MSI2: variants seen among roughly 807,000 people sequenced by gnomAD.
The protein encoded by MSI2 is musashi RNA binding protein 2, also known as RNA-binding protein Musashi homolog 2.
MSI2 carries 17 observed loss-of-function variants against 45.6 expected under a neutral mutation model. The observed-to-expected ratio is 0.37, with a 90% CI of 0.26 to 0.56. The LOEUF is 0.56. Among genes scored for constraint, MSI2 ranks in the 20% least tolerant of loss-of-function variants. The probability of loss-of-function intolerance (pLI) is 0.77; values close to 1 mark genes in which losing one functional copy is unlikely to be tolerated. For missense variants in MSI2, 293 were observed against 444.2 expected (o/e 0.66, Z 3.06); for synonymous variants, 156 against 158.2 (o/e 0.99, Z 0.11).
intron 8 of MSI2, among the ~76,000 whole-genome samples, chr17:57,603,993 G>GT (rs1421941194): frequency 6.6e-6 from 1 of 152,270 alleles, no homozygotes; most frequent in African/African-American, 2.4e-5. Context: ...CCTGTGGAAA[G>GT]TATCAGTGCC....
intron 6 of MSI2, among the ~76,000 whole-genome samples, chr17:57,436,104 ATGGATTGTG>A (rs746312828): frequency 5.3e-5 from 8 of 152,218 alleles, no homozygotes; most frequent in Non-Finnish European, 1.0e-4. Context: ...AAGGTTCCTA[ATGGATTGTG>A]GAAGCGGGTA....
chr17:57,412,736 G>A (rs141899304), intron 6 of MSI2, among the ~76,000 whole-genome samples: 3 of 152,310 alleles, frequency 2.0e-5, no homozygotes, highest in South Asian at 2.1e-4. Flanking sequence ...AAAGTCAGGA[G>A]GCTGCTGGTT....
intron 6 of MSI2, among the ~76,000 whole-genome samples, chr17:57,424,921 G>A (rs1484851351): frequency 2.6e-5 from 4 of 152,104 alleles, no homozygotes; most frequent in Admixed American, 6.5e-5. Flanking sequence ...CTTGGGAGTC[G>A]GACACCTGAT....
At chr17:57,541,877 G>A (rs1312824490) in intron 7 of MSI2, among the ~76,000 whole-genome samples, 1 of 152,198 alleles carries the variant, frequency 6.6e-6, no homozygotes, top group Non-Finnish European at 1.5e-5. Flanking sequence ...ATAACTGAAA[G>A]TGCCTTCTTC....
chr17:57,377,334 C>G (rs1295701230), intron 5 of MSI2, among the ~76,000 whole-genome samples: 1 of 152,254 alleles, frequency 6.6e-6, no homozygotes, highest in Non-Finnish European at 1.5e-5. Flanking sequence ...TGAATCAGGG[C>G]ATCCACTTCT....
intron 7 of MSI2, among the ~76,000 whole-genome samples, chr17:57,567,275 T>G (rs1291353705): frequency 6.6e-6 from 1 of 152,200 alleles, no homozygotes; most frequent in Non-Finnish European, 1.5e-5. Context: ...GAAAATGGCT[T>G]GAAAATTAGG....
At chr17:57,624,636 C>T (rs1908629332) in intron 9 of MSI2, among the ~76,000 whole-genome samples, 2 of 152,142 alleles carry the variant, frequency 1.3e-5, no homozygotes, top group Non-Finnish European at 2.9e-5. Flanking sequence ...AGTCACCAAG[C>T]ACCGGGAAAT....
chr17:57,481,743 A>C (rs1240519524), intron 6 of MSI2, among the ~76,000 whole-genome samples: 1 of 152,210 alleles, frequency 6.6e-6, no homozygotes, highest in African/African-American at 2.4e-5. Flanking sequence ...AACAGTGGTA[A>C]GACTCGGCCT....
At chr17:57,420,876 G>A (rs1464720346) in intron 6 of MSI2, among the ~76,000 whole-genome samples, 3 of 152,174 alleles carry the variant, frequency 2.0e-5, no homozygotes, top group East Asian at 1.9e-4. Context: ...GTAACAAGGC[G>A]GCCTGCAGTT....
chr17:57,467,300 T>G (rs1450585416), intron 6 of MSI2, among the ~76,000 whole-genome samples: 3 of 152,184 alleles, frequency 2.0e-5, no homozygotes. Context: ...ACCTGGGATA[T>G]GGTGCATTCT....
chr17:57,379,428 G>T (rs1371105296), intron 5 of MSI2, among the ~76,000 whole-genome samples: 1 of 151,052 alleles, frequency 6.6e-6, no homozygotes, highest in Non-Finnish European at 1.5e-5. Flanking sequence ...TTCAATAAAA[G>T]TCGTGATTTA....
rs56318280 is a variant in MSI2, at chr17:57,358,198, T to TG, written c.313-43174dup. On this transcript the variant is annotated intron_variant, in intron 5 of 13. Coordinates refer to ENST00000284073, the MANE Select transcript of MSI2 (RefSeq NM_138962.4). The stretch of plus-strand genomic sequence containing the variant: ...ATCTTCGTGGGTTTTTCTGTGTGTG[T>TG]GGGGGGGTGTGTGTGTGTGTGTGTG... 4.7e-5 allele frequency among the ~76,000 whole-genome samples: 7 copies of TG among 147,530 alleles called. No individual in the cohort carries two copies. The East Asian group carries it at 5.9e-4, about 12-fold the overall frequency.
chr17:57,644,780 G>A (rs1358235513), intron 10 of MSI2, among the ~76,000 whole-genome samples: 1 of 152,128 alleles, frequency 6.6e-6, no homozygotes, highest in Non-Finnish European at 1.5e-5. Flanking sequence ...TTCGGGGCCG[G>A]TGATGCATAT....
intron 5 of MSI2, among the ~76,000 whole-genome samples, chr17:57,345,230 T>C (rs906872413): frequency 3.9e-5 from 6 of 152,216 alleles, no homozygotes; most frequent in African/African-American, 1.4e-4. Flanking sequence ...ACTGTGGTTA[T>C]GGTTTGCTGT....
chr17:57,603,033 T>A (rs1174645124), intron 8 of MSI2, among the ~76,000 whole-genome samples: 1 of 152,176 alleles, frequency 6.6e-6, no homozygotes, highest in Non-Finnish European at 1.5e-5. Context: ...GACTTGGGAA[T>A]GAAGGGAGCA....
At chr17:57,495,236 T>G (rs57173772) in intron 6 of MSI2, among the ~76,000 whole-genome samples, 1 of 152,058 alleles carries the variant, frequency 6.6e-6, no homozygotes, top group Non-Finnish European at 1.5e-5. Context: ...CAGCTGCCTT[T>G]GAAAGCTTCA....
At chr17:57,508,272 C>T (rs1284363325) in intron 6 of MSI2, among the ~76,000 whole-genome samples, 3 of 152,154 alleles carry the variant, frequency 2.0e-5, no homozygotes, top group Non-Finnish European at 4.4e-5. Flanking sequence ...ACTGCAACCA[C>T]ACCACCCCTT....
rs1911275770 is a variant in MSI2 at position 57,652,873 on chromosome 17, G to A, written c.790+712G>A. Among the ~76,000 whole-genome samples, 1 of 152,206 alleles carries A rather than the reference G, an allele frequency of 6.6e-6. No individual in the cohort carries two copies. Among genetic ancestry groups the A allele is most frequent in the Non-Finnish European group, 1.5e-5 (1 of 68,030 alleles). On this transcript the variant is annotated intron_variant, in intron 11 of 13. Transcript: ENST00000284073. The surrounding 1 kb of genome is among the most constrained non-coding windows in gnomAD (Gnocchi z 4.1). The stretch of plus-strand genomic sequence containing the variant: ...TTATCATGGGGTCAGGCCAGAGCTG[G>A]GATATGTCCAGGGTGCCCGGGGTCC...
At chr17:57,319,957 C>A (rs76335750) in intron 5 of MSI2, among the ~76,000 whole-genome samples, 2 of 152,072 alleles carry the variant, frequency 1.3e-5, no homozygotes, top group Non-Finnish European at 2.9e-5. Flanking sequence ...GCGAGAGGGG[C>A]GACTGCAGCT....
Sources: allele counts gnomAD v4.1 joint callset (sites outside exome capture counted in the v4.1 genomes callset), GRCh38; gene constraint gnomAD v4.1.1; non-coding constraint Gnocchi (gnomAD v3.1); transcripts MANE v1.5; gene names NCBI Gene and HGNC (gene_info 2026-07-23, HGNC 2026-07-21).